The following VWA3A variants were observed in gnomAD, a reference collection of about 807,000 sequenced individuals.
VWA3A encodes von Willebrand factor A domain-containing protein 3A.
In VWA3A, 134 loss-of-function variants were observed where a neutral mutation model predicts 160.4. The observed-to-expected ratio is 0.84, with a 90% CI of 0.73 to 0.96. VWA3A has a LOEUF of 0.96. Ranked by LOEUF, VWA3A falls within the 40% of genes least tolerant of loss-of-function variation. The pLI, the probability that VWA3A is intolerant of heterozygous loss-of-function variation, is 0.00. For missense variants in VWA3A, 1,310 were observed against 1,447.9 expected (o/e 0.90, Z 1.55); for synonymous variants, 476 against 543.4 (o/e 0.88, Z 1.72).
At chr16:22,108,571 A>C (rs2045512462) in intron 6 of VWA3A, among the ~76,000 whole-genome samples, 1 of 152,096 alleles carries the variant, frequency 6.6e-6, no homozygotes, top group African/African-American at 2.4e-5. Context: ...ACAGAAAGGG[A>C]GTGCTGGAGG....
chr16:22,131,384 T>C, intron 18 of VWA3A, 105 bp downstream of exon 18: 1 of 1,467,532 alleles, frequency 6.8e-7, no homozygotes, highest in Non-Finnish European at 9.3e-7. Flanking sequence ...CTAGAGTCCC[T>C]GACCCCAAAC....
chr16:22,114,779 C>G (rs898441149), intron 8 of VWA3A, among the ~76,000 whole-genome samples: 5 of 151,300 alleles, frequency 3.3e-5, no homozygotes, highest in Admixed American at 6.6e-5. Context: ...CTGGGCAACA[C>G]AGTGAGACCC....
chr16:22,147,801 A>C (rs2046280818), intron 27 of VWA3A, among the ~76,000 whole-genome samples: 1 of 152,204 alleles, frequency 6.6e-6, no homozygotes, highest in South Asian at 2.1e-4. Context: ...GTACACACCC[A>C]AACACCATCT....
At chr16:22,150,963 G>A (rs1480428349) in intron 30 of VWA3A, 117 bp downstream of exon 30, 1 of 1,278,658 alleles carries the variant, frequency 7.8e-7, no homozygotes, top group African/African-American at 1.5e-5. Context: ...GTTTCTCCTG[G>A]GCCCTAATCC....
Position 22,138,527 on chromosome 16 carries a change from C to T in VWA3A, c.2292+15C>T. 6.2e-7 allele frequency: 1 copy of T among 1,613,316 alleles called. No individual in the cohort carries two copies. The highest frequency in any genetic ancestry group is 1.7e-4 in the Middle Eastern group (1 of 6,054). ...GGGCCAGAATGGTTTGACTCCCCTC[C>T]TAATAACACGCAGAAGATTTGGTTT... On this transcript the variant is annotated intron_variant, in intron 22 of 33. Coordinates refer to ENST00000389398, the MANE Select transcript of VWA3A (RefSeq NM_173615.5).
intron 7 of VWA3A, 89 bp downstream of exon 7, chr16:22,109,669 C>T (rs1050343353): frequency 2.8e-6 from 3 of 1,081,966 alleles, no homozygotes; most frequent in Non-Finnish European, 2.8e-6. Context: ...TTGTTTATAG[C>T]AAATGCAAGA....
At chr16:22,130,547 A>G (rs773470676) in intron 17 of VWA3A, among the ~76,000 whole-genome samples, 1 of 152,196 alleles carries the variant, frequency 6.6e-6, no homozygotes, top group Admixed American at 6.5e-5. Context: ...CCTCTTCTCA[A>G]AGATCTTAAA....
At chr16:22,130,929 C>T (rs1309792870) in intron 17 of VWA3A, among the ~76,000 whole-genome samples, 2 of 151,752 alleles carry the variant, frequency 1.3e-5, no homozygotes, top group Non-Finnish European at 2.9e-5. Flanking sequence ...TGAGAGAAGC[C>T]ATGCTAGGGG....
intron 17 of VWA3A, among the ~76,000 whole-genome samples, chr16:22,129,019 C>T (rs975903429): frequency 6.6e-6 from 1 of 151,960 alleles, no homozygotes; most frequent in South Asian, 2.1e-4. Context: ...ATATAACAAA[C>T]CCCCATGGCA....
At chr16:22,092,829 C>T (rs1334147222) in intron 1 of VWA3A, among the ~76,000 whole-genome samples, 178 bp downstream of exon 1, 1 of 151,952 alleles carries the variant, frequency 6.6e-6, no homozygotes, top group East Asian at 1.9e-4. Flanking sequence ...AGTCATGGAG[C>T]CGGTCTAGGA....
rs537105737 is a variant in VWA3A, at chr16:22,110,722, C to CA, written c.583-165dup. Among the ~76,000 whole-genome samples the CA allele has an allele frequency of 5.3e-5, 8 of 152,300 alleles. 2 individuals are homozygous for CA. The South Asian group carries it at 1.7e-3, about 32-fold the overall frequency. ...TCCCACCCACAGGAGGCCCGGCAGG[C>CA]AGGAAGCAAATGTCGGCTTGGGGCT... On this transcript the variant is annotated intron_variant, in intron 7 of 33. Coordinates refer to ENST00000389398, the MANE Select transcript of VWA3A (RefSeq NM_173615.5).
At chr16:22,141,272 A>G (rs1403416487) in intron 23 of VWA3A, 1 of 540,422 alleles carries the variant, frequency 1.9e-6, no homozygotes, top group East Asian at 4.7e-5. Flanking sequence ...CCTGCCTCTT[A>G]CTGGTGGATT....
At chr16:22,104,972 A>G (rs1172725393) in intron 6 of VWA3A, among the ~76,000 whole-genome samples, 1 of 151,760 alleles carries the variant, frequency 6.6e-6, no homozygotes, top group African/African-American at 2.4e-5. Context: ...CCCCACCTCT[A>G]CCCAAGACTA....
chr16:22,093,939 AT>A (rs11400675), intron 1 of VWA3A, among the ~76,000 whole-genome samples: 337 of 140,792 alleles, frequency 2.4e-3, no homozygotes, highest in Admixed American at 2.4e-3. Context: ...TAATTTTTGT[AT>A]TTTTTTTTTT....
intron 27 of VWA3A, chr16:22,147,466 TGGAG>T: frequency 1.5e-6 from 1 of 663,904 alleles, no homozygotes; most frequent in Non-Finnish European, 2.8e-6. Context: ...CTATGGGGCC[TGGAG>T]GGTTTCTGGG....
intron 17 of VWA3A, 44 bp downstream of exon 17, chr16:22,126,341 G>A: frequency 6.3e-7 from 1 of 1,588,878 alleles, no homozygotes; most frequent in Non-Finnish European, 8.6e-7. Context: ...GGTCGTGTGT[G>A]TTTGGATGCC....
At chr16:22,114,820 G>C (rs923554843) in intron 8 of VWA3A, among the ~76,000 whole-genome samples, 1 of 145,412 alleles carries the variant, frequency 6.9e-6, no homozygotes, top group Non-Finnish European at 1.5e-5. Flanking sequence ...TTTTTTTTGA[G>C]ATAGAGTCTC....
intron 28 of VWA3A, 93 bp from the exon 29 acceptor site, chr16:22,149,694 G>A: frequency 1.4e-6 from 2 of 1,409,456 alleles, no homozygotes; most frequent in East Asian, 5.2e-5. Flanking sequence ...CCTCATGAGG[G>A]TAACTTATCT....
intron 28 of VWA3A, 42 bp downstream of exon 28, chr16:22,148,348 C>G: frequency 6.4e-7 from 1 of 1,552,496 alleles, no homozygotes; most frequent in Non-Finnish European, 8.7e-7. Context: ...AGGGGCAGTT[C>G]CTGGGGCTTC....
Sources: gnomAD v4.1 joint callset for allele counts (sites outside exome capture counted in the v4.1 genomes callset) on GRCh38, gnomAD v4.1.1 for gene constraint, MANE v1.5 for transcripts, NCBI Gene and HGNC (gene_info 2026-07-23, HGNC 2026-07-21) for gene names.